Variants in PAK5 observed in about 807,000 individuals in gnomAD.
PAK5 encodes serine/threonine-protein kinase PAK 5.
PAK5 carries 16 observed loss-of-function variants against 65.9 expected under a neutral mutation model. The ratio of observed to expected loss-of-function variants is 0.24; its 90% CI spans 0.16 to 0.37. The LOEUF (loss-of-function observed/expected upper bound fraction) is 0.37, where lower values mean the gene tolerates loss of function less well. Among genes scored for constraint, PAK5 ranks in the 10% least tolerant of loss-of-function variants. PAK5 has a pLI of 1.00. For missense variants in PAK5, 785 were observed against 903.9 expected, an observed-to-expected ratio of 0.87 and a Z score of 1.69; for synonymous variants, 371 against 354.9, an observed-to-expected ratio of 1.05 and a Z score of -0.51.
At chr20:9,749,356 C>T (rs1362908266) in intron 1 of PAK5, among the ~76,000 whole-genome samples, 1 of 152,114 alleles carries the variant, frequency 6.6e-6, no homozygotes, top group Non-Finnish European at 1.5e-5. Context: ...TTCTAATAAT[C>T]TATAATTCTT....
rs544035869 is a variant in PAK5 at position 9,647,403 on chromosome 20, T to C, written c.-11-3064A>G. 1.1e-4 allele frequency among the ~76,000 whole-genome samples: 17 copies of C among 152,316 alleles called. 1 individual carries two copies. Among genetic ancestry groups the C allele is most frequent in the African/African-American group, 3.4e-4 (14 of 41,572 alleles). On this transcript the variant is annotated intron_variant, in intron 2 of 9. Transcript: ENST00000353224. Reference sequence around the variant, plus strand: ...ATGACCATTTTTTAAAAATGCAAGATGGAAATTATTTCAGAAACATCATTT... The same window carrying C: ...ATGACCATTTTTTAAAAATGCAAGACGGAAATTATTTCAGAAACATCATTT...
At chr20:9,551,099 A>G (rs2045421109) in intron 7 of PAK5, among the ~76,000 whole-genome samples, 1 of 152,188 alleles carries the variant, frequency 6.6e-6, no homozygotes, top group South Asian at 2.1e-4. Flanking sequence ...TGATACTTTA[A>G]TCATCCAAGT....
At chr20:9,647,028 C>T (rs886840997) in intron 2 of PAK5, among the ~76,000 whole-genome samples, 1 of 152,226 alleles carries the variant, frequency 6.6e-6, no homozygotes, top group African/African-American at 2.4e-5. Context: ...CCATGCTACA[C>T]AGAAAGAGCT....
At chr20:9,684,310 A>T (rs2047689343) in intron 2 of PAK5, among the ~76,000 whole-genome samples, 1 of 152,206 alleles carries the variant, frequency 6.6e-6, no homozygotes, top group African/African-American at 2.4e-5. Context: ...TGGTTCCAGG[A>T]TGCACACTGG....
At chr20:9,654,560 A>C (rs1171408887) in intron 2 of PAK5, among the ~76,000 whole-genome samples, 3 of 152,116 alleles carry the variant, frequency 2.0e-5, no homozygotes, top group Non-Finnish European at 4.4e-5. Flanking sequence ...CCTCCCAAGC[A>C]GTTTTCCACC....
intron 3 of PAK5, among the ~76,000 whole-genome samples, chr20:9,590,619 CAAAAA>C (rs71184146): frequency 7.7e-6 from 1 of 130,278 alleles, no homozygotes. Flanking sequence ...TGGGCTGTGC[CAAAAA>C]AAAAAAAAAA....
intron 1 of PAK5, among the ~76,000 whole-genome samples, chr20:9,751,028 T>C (rs1318387772): frequency 6.6e-5 from 10 of 152,154 alleles, no homozygotes; most frequent in Non-Finnish European, 1.0e-4. Context: ...AGAAAAGAGA[T>C]TGTAGATATT....
At chr20:9,682,083 C>T (rs761045110) in intron 2 of PAK5, among the ~76,000 whole-genome samples, 119 of 152,292 alleles carry the variant, frequency 7.8e-4, no homozygotes, top group African/African-American at 2.6e-3. Flanking sequence ...GCGGGCTGGG[C>T]GCGGTGGCTC....
intron 2 of PAK5, among the ~76,000 whole-genome samples, chr20:9,688,833 T>C (rs968052265): frequency 3.3e-5 from 5 of 152,172 alleles, no homozygotes; most frequent in Non-Finnish European, 7.3e-5. Flanking sequence ...ACGTGTGCTA[T>C]ATAAATTCTA....
chr20:9,560,586 T>A (rs1032202705), intron 6 of PAK5, among the ~76,000 whole-genome samples: 26 of 152,326 alleles, frequency 1.7e-4, no homozygotes, highest in African/African-American at 6.0e-4. Flanking sequence ...GGTCTCGAAC[T>A]CCTGTGCTCA....
intron 1 of PAK5, among the ~76,000 whole-genome samples, chr20:9,833,770 C>A (rs892843106): frequency 1.3e-5 from 2 of 152,104 alleles, no homozygotes; most frequent in African/African-American, 4.8e-5. Flanking sequence ...CATCTTTCTA[C>A]CAAAGCATAA....
At chr20:9,834,275 A>G (rs962323688) in intron 1 of PAK5, among the ~76,000 whole-genome samples, 2 of 152,208 alleles carry the variant, frequency 1.3e-5, no homozygotes, top group African/African-American at 4.8e-5. Context: ...CCTCTGTTGA[A>G]CTACATTCAT....
intron 1 of PAK5, among the ~76,000 whole-genome samples, chr20:9,777,212 G>A (rs758720101): frequency 1.6e-4 from 24 of 152,142 alleles, no homozygotes; most frequent in Non-Finnish European, 1.5e-4. Flanking sequence ...CTGTGCATTG[G>A]ATGGCAGCAT....
At chr20:9,692,693 T>G (rs2123437270) in intron 2 of PAK5, among the ~76,000 whole-genome samples, 1 of 152,248 alleles carries the variant, frequency 6.6e-6, no homozygotes, top group Admixed American at 6.5e-5. Context: ...CTTCACAAAC[T>G]TTGGAAATTT....
chr20:9,683,455 G>T (rs1296120703), intron 2 of PAK5, among the ~76,000 whole-genome samples: 1 of 152,176 alleles, frequency 6.6e-6, no homozygotes, highest in Non-Finnish European at 1.5e-5. Flanking sequence ...AACTCCTTAT[G>T]AGATATTATA....
At chr20:9,825,702 T>C (rs2049476264) in intron 1 of PAK5, among the ~76,000 whole-genome samples, 2 of 152,346 alleles carry the variant, frequency 1.3e-5, no homozygotes, top group South Asian at 2.1e-4. Context: ...CTAAACTCTA[T>C]ACTTTTAAAT....
At chr20:9,706,813 A>C (rs903534651) in intron 2 of PAK5, among the ~76,000 whole-genome samples, 1 of 151,774 alleles carries the variant, frequency 6.6e-6, no homozygotes, top group Non-Finnish European at 1.5e-5. Flanking sequence ...CAACCTACAA[A>C]TTTTTTTCTA....
At chr20:9,808,492 A>T (rs1337967066) in intron 1 of PAK5, among the ~76,000 whole-genome samples, 2 of 152,234 alleles carry the variant, frequency 1.3e-5, no homozygotes, top group Non-Finnish European at 2.9e-5. Context: ...AAGCAGAAAC[A>T]ATTCAAATGT....
chr20:9,771,602 T>TTTTTTTTTTTG (rs2048834694), intron 1 of PAK5, among the ~76,000 whole-genome samples: 1 of 132,128 alleles, frequency 7.6e-6, no homozygotes, highest in African/African-American at 2.8e-5. Context: ...TTTTTTTTTG[T>TTTTTTTTTTTG]AGAAATGGGC....
Sources: gnomAD v4.1 joint callset for allele counts (sites outside exome capture counted in the v4.1 genomes callset) on GRCh38, gnomAD v4.1.1 for gene constraint, MANE v1.5 for transcripts, NCBI Gene and HGNC (gene_info 2026-07-23, HGNC 2026-07-21) for gene names.